Variants in PHACTR2 observed in about 807,000 individuals in gnomAD.
The protein encoded by PHACTR2 is chromosome 6 open reading frame 56.
Under a neutral mutation model 76.0 loss-of-function variants are expected in PHACTR2, and 30 were observed. The ratio of observed to expected loss-of-function variants is 0.39; its 90% CI spans 0.30 to 0.54. PHACTR2 has a LOEUF of 0.54. Ranked by LOEUF, PHACTR2 falls within the 20% of genes least tolerant of loss-of-function variation. The pLI is 0.61. For synonymous variants in PHACTR2, 292 were observed against 292.5 expected (o/e 1.00, Z 0.02); for missense variants, 696 against 781.1 (o/e 0.89, Z 1.30).
chr6:143,737,181 A>C (rs1394002683), intron 2 of PHACTR2, among the ~76,000 whole-genome samples: 2 of 151,582 alleles, frequency 1.3e-5, no homozygotes, highest in Non-Finnish European at 2.9e-5. Context: ...ACAGGAAACA[A>C]TATAGGACAA....
In PHACTR2 at chr6:143,543,811, A is replaced by G. The variant is rs1344423057; in HGVS notation, c.217+6604A>G. 6.6e-6 allele frequency among the ~76,000 whole-genome samples: 1 copy of G among 152,210 alleles called. No individual in the cohort carries two copies. The highest frequency in any genetic ancestry group is 2.4e-5 in the African/African-American group (1 of 41,450). On this transcript the variant is annotated intron_variant, in intron 1 of 11. Transcript: ENST00000367584. The surrounding 1 kb of genome is among the most constrained non-coding windows in gnomAD (Gnocchi z 4.7). Reference sequence around the variant, plus strand: ...GCCTTTTTCCTGGGAGACACAATTTAGGCATTTGCAAGTTTGATATGGATA... The same window carrying G: ...GCCTTTTTCCTGGGAGACACAATTTGGGCATTTGCAAGTTTGATATGGATA...
Position 143,791,921 on chromosome 6 carries a change from TC to T in PHACTR2, c.1845+3012del, listed in dbSNP as rs1775700178. On this transcript the variant is annotated intron_variant, in intron 11 of 12. Coordinates refer to ENST00000440869, the MANE Select transcript of PHACTR2 (RefSeq NM_001100164.2). This position sits in a 1 kb window ranked among gnomAD's most constrained non-coding sequence, Gnocchi z 4.7. ...ATGTTTAGCTGATGGCTTCAAATTT[TC>T]AGGGTACATTTCATCACTCCCTGCC... Among the ~76,000 whole-genome samples the T allele has an allele frequency of 6.6e-6, 1 of 152,220 alleles. No homozygotes were observed. The highest frequency in any genetic ancestry group is 1.5e-5 in the Non-Finnish European group (1 of 68,036).
Position 143,652,355 on chromosome 6 carries a change from C to A in PHACTR2, c.13+44033C>A, listed in dbSNP as rs376316871. On this transcript the variant is annotated intron_variant, in intron 1 of 11. Transcript: ENST00000305766. The surrounding 1 kb of genome is among the most constrained non-coding windows in gnomAD (Gnocchi z 4.5). ...TTTTTCCAAAGAAAAGAAACTCTGC[C>A]TGGCTGCATCAGCTAGACAAAGGTA... 1.1e-4 allele frequency among the ~76,000 whole-genome samples: 16 copies of A among 152,274 alleles called. No homozygotes were observed. In the East Asian group the frequency reaches 1.2e-3, roughly 11 times the overall value.
chr6:143,779,930 TTATATTA>T (rs969088445), intron 9 of PHACTR2, among the ~76,000 whole-genome samples: 2 of 147,362 alleles, frequency 1.4e-5, no homozygotes, highest in African/African-American at 4.9e-5. Flanking sequence ...TTATATTATA[TTATATTA>T]TATTATATTA....
Position 143,564,600 on chromosome 6 carries a change from G to A in PHACTR2, c.217+27393G>A, listed in dbSNP as rs146162268. 1.0e-3 allele frequency among the ~76,000 whole-genome samples: 156 copies of A among 152,250 alleles called. 1 individual carries two copies. The highest frequency in any genetic ancestry group is 3.4e-3 in the African/African-American group (141 of 41,538). ...ACAGTTAAAGATCAAGAGGTGAATC[G>A]TGTGGGATATGAAGCATGTCATGGC... On this transcript the variant is annotated intron_variant, in intron 1 of 11. Coordinates refer to the PHACTR2 transcript ENST00000367584.
intron 1 of PHACTR2, among the ~76,000 whole-genome samples, chr6:143,622,478 C>T (rs894061810): frequency 1.1e-4 from 17 of 152,184 alleles, no homozygotes; most frequent in Non-Finnish European, 2.4e-4. Context: ...TTAGTCCTAC[C>T]CCAGATGTGG....
At chr6:143,655,097 C>T (rs763649830) in intron 1 of PHACTR2, among the ~76,000 whole-genome samples, 4 of 140,824 alleles carry the variant, frequency 2.8e-5, no homozygotes, top group Non-Finnish European at 4.5e-5. Flanking sequence ...GCGGAGGTTG[C>T]GGTGAGCCGA....
At chr6:143,702,710 T>G (rs1226066260) in intron 1 of PHACTR2, among the ~76,000 whole-genome samples, 1 of 151,690 alleles carries the variant, frequency 6.6e-6, no homozygotes, top group Non-Finnish European at 1.5e-5. Flanking sequence ...CCAGTGCTTT[T>G]ATAAATTACA....
intron 11 of PHACTR2, among the ~76,000 whole-genome samples, chr6:143,798,645 A>G (rs570216279): frequency 1.3e-5 from 2 of 152,272 alleles, no homozygotes; most frequent in South Asian, 2.1e-4. Flanking sequence ...TGAGATAATC[A>G]TGTGGTTTTT....
chr6:143,769,684 TAATC>T (rs1189163982), intron 6 of PHACTR2, among the ~76,000 whole-genome samples: 2 of 152,250 alleles, frequency 1.3e-5, no homozygotes, highest in African/African-American at 4.8e-5. Flanking sequence ...ATTAGAATAA[TAATC>T]AATATGATAA....
In PHACTR2 at chr6:143,571,066, C is replaced by A. The variant is rs1311039790; in HGVS notation, c.217+33859C>A. 1.8e-4 allele frequency among the ~76,000 whole-genome samples: 27 copies of A among 152,188 alleles called. No homozygotes were observed. Among genetic ancestry groups the A allele is most frequent in the Admixed American group, 1.7e-3 (26 of 15,286 alleles). On this transcript the variant is annotated intron_variant, in intron 1 of 11. Transcript: ENST00000367584. The surrounding 1 kb of genome is among the most constrained non-coding windows in gnomAD (Gnocchi z 4.6). ...CATGGAGTTCTCGTATACTCTTCAC[C>A]TGGACTCCCCAAATGGTAATATCTT... is the stretch of plus-strand genomic sequence containing the variant.
At chr6:143,712,682 T>C (rs1356507725) in intron 2 of PHACTR2, among the ~76,000 whole-genome samples, 4 of 152,180 alleles carry the variant, frequency 2.6e-5, no homozygotes, top group African/African-American at 9.7e-5. Flanking sequence ...TTTTGATGTA[T>C]TTATTCTTTA....
rs371091195 is a variant in PHACTR2 at position 143,646,848 on chromosome 6, T to C, written c.13+38526T>C. ...GCCTGCTTATTATGCTAGAGCTTAG[T>C]GTCTGAATAGCAGAGAACGTTTTCT... On this transcript the variant is annotated intron_variant, in intron 1 of 11. Transcript: ENST00000305766. This position sits in a 1 kb window ranked among gnomAD's most constrained non-coding sequence, Gnocchi z 4.1. Among the ~76,000 whole-genome samples, 14 of 152,364 alleles carry C rather than the reference T, an allele frequency of 9.2e-5. 1 individual carries two copies. Among genetic ancestry groups the C allele is most frequent in the African/African-American group, 2.9e-4 (12 of 41,586 alleles).
In PHACTR2 at chr6:143,824,364, G is replaced by C. The variant is rs1426085076; in HGVS notation, c.*675G>C. On this transcript the variant is annotated 3_prime_UTR_variant, in exon 13 of 13. Transcript: ENST00000440869. This position sits in a 1 kb window ranked among gnomAD's most constrained non-coding sequence, Gnocchi z 6.3. ...TCATGCATCTTTTTCTTAAATGCAA[G>C]AGCTTCTACTGACTCTTAACAAGCA... 1 of 152,594 alleles carries C rather than the reference G, an allele frequency of 6.6e-6. No homozygotes were observed. Among genetic ancestry groups the C allele is most frequent in the East Asian group, 1.9e-4 (1 of 5,186 alleles). 9.5% of individuals were successfully genotyped at this position (152,594 alleles called of 1,614,324 possible).
In PHACTR2 at chr6:143,584,030, C is replaced by T. The variant is rs573381582; in HGVS notation, c.217+46823C>T. Among the ~76,000 whole-genome samples, 4 of 152,342 alleles carry T rather than the reference C, an allele frequency of 2.6e-5. No individual in the cohort carries two copies. The East Asian group carries it at 7.7e-4, about 29-fold the overall frequency. ...TGAGGCTCTTTTACCCACTGGCAGG[C>T]TATCTTCCTGAAGTTGCCTATATCC... On this transcript the variant is annotated intron_variant, in intron 1 of 11. Coordinates refer to the PHACTR2 transcript ENST00000367584.
rs1029936977 is a variant in PHACTR2 at position 143,698,645 on chromosome 6, G to A, written c.47-13371G>A. Among the ~76,000 whole-genome samples the A allele has an allele frequency of 6.6e-6, 1 of 152,144 alleles. No individual in the cohort carries two copies. The highest frequency in any genetic ancestry group is 2.4e-5 in the African/African-American group (1 of 41,430). On this transcript the variant is annotated intron_variant, in intron 1 of 12. Coordinates refer to ENST00000440869, the MANE Select transcript of PHACTR2 (RefSeq NM_001100164.2). The surrounding 1 kb of genome is among the most constrained non-coding windows in gnomAD (Gnocchi z 4.3). The stretch of plus-strand genomic sequence containing the variant: ...CAGTACCACCGTGTGAGCCTCTGGG[G>A]TCCCCCACATTTCCTACTCACTACA...
At position 143,643,852 on chromosome 6, in the gene PHACTR2, A is replaced by G. The variant is rs570355277; in HGVS notation, c.13+35530A>G. ...ATGAGACATTGATATTAAATAAAAC[A>G]CTAGAAAGAAGTAATCTAACTTTTT... On this transcript the variant is annotated intron_variant, in intron 1 of 11. Coordinates refer to the PHACTR2 transcript ENST00000305766. Among the ~76,000 whole-genome samples the G allele has an allele frequency of 1.8e-3, 281 of 152,336 alleles. 1 individual carries two copies. The highest frequency in any genetic ancestry group is 6.3e-3 in the African/African-American group (263 of 41,576).
rs1402273091 is a variant in PHACTR2, at chr6:143,748,974, C to T, written c.215-11C>T. 16 of 1,406,274 alleles carry T rather than the reference C, an allele frequency of 1.1e-5. No homozygotes were observed. The highest frequency in any genetic ancestry group is 1.5e-5 in the Non-Finnish European group (15 of 999,060). 87.1% of individuals were successfully genotyped at this position (1,406,274 alleles called of 1,614,324 possible). ...GACTTGATTCTTACTTGTGCTTGTT[C>T]TTTTTAAAAGTATTAGAAAGGAAGA... On this transcript the variant is annotated splice_polypyrimidine_tract_variant and intron_variant, in intron 2 of 12. Coordinates refer to ENST00000440869, the MANE Select transcript of PHACTR2 (RefSeq NM_001100164.2).
intron 1 of PHACTR2, among the ~76,000 whole-genome samples, chr6:143,687,231 T>C (rs1194122582): frequency 1.3e-5 from 2 of 152,126 alleles, no homozygotes; most frequent in Admixed American, 6.6e-5. Context: ...TAGAAAATAA[T>C]AAATTTATTT....
Sources: gnomAD v4.1 joint callset for allele counts (sites outside exome capture counted in the v4.1 genomes callset) on GRCh38, gnomAD v4.1.1 for gene constraint, Gnocchi (gnomAD v3.1) non-coding constraint, MANE v1.5 for transcripts, NCBI Gene and HGNC (gene_info 2026-07-23, HGNC 2026-07-21) for gene names.